The following NAV1 variants were observed in gnomAD, a reference collection of about 807,000 sequenced individuals.
NAV1 encodes the protein neuron navigator 1, also known as pore membrane and/or filament interacting like protein 3.
NAV1 carries 18 observed loss-of-function variants against 175.2 expected under a neutral mutation model. The ratio of observed to expected loss-of-function variants is 0.10; its 90% CI spans 0.07 to 0.15. NAV1 has a LOEUF of 0.15. NAV1 is among the 10% of genes least tolerant of loss of function. The pLI, the probability that NAV1 is intolerant of heterozygous loss-of-function variation, is 1.00. For synonymous variants in NAV1, 897 were observed against 978.7 expected, an observed-to-expected ratio of 0.92 and a Z score of 1.56; for missense variants, 1,731 against 2,436.6, an observed-to-expected ratio of 0.71 and a Z score of 6.10.
chr1:201,735,328 T>C (rs1368726765), intron 3 of NAV1, among the ~76,000 whole-genome samples: 1 of 152,256 alleles, frequency 6.6e-6, no homozygotes, highest in Non-Finnish European at 1.5e-5. Context: ...TCTGTGAAAA[T>C]GAGCGGTTTG....
chr1:201,722,863 T>C (rs969248129), intron 3 of NAV1, among the ~76,000 whole-genome samples: 2 of 152,200 alleles, frequency 1.3e-5, no homozygotes, highest in Non-Finnish European at 2.9e-5. Context: ...CCCAGCACTT[T>C]GGGAGGCTGG....
chr1:201,718,356 A>C lies in NAV1; in HGVS notation c.861-34A>C, dbSNP rs752943726. ...GGACAGGGCACACGGCGGCTGTGCC[A>C]AGGACTAAGTAGTGCCTTCTGCTCT... is the stretch of plus-strand genomic sequence containing the variant. On this transcript the variant is annotated intron_variant, in intron 2 of 29. Transcript: ENST00000367296. This position sits in a 1 kb window ranked among gnomAD's most constrained non-coding sequence, Gnocchi z 4.8. 46 of 1,498,488 alleles carry C rather than the reference A, an allele frequency of 3.1e-5. No individual in the cohort carries two copies. The highest frequency in any genetic ancestry group is 2.7e-4 in the Admixed American group (12 of 44,486). 92.8% of individuals were successfully genotyped at this position (1,498,488 alleles called of 1,614,324 possible).
intron 1 of NAV1, among the ~76,000 whole-genome samples, chr1:201,675,813 A>C (rs1386229571): frequency 6.6e-6 from 1 of 152,172 alleles, no homozygotes; most frequent in Non-Finnish European, 1.5e-5. Flanking sequence ...GCCTATCTGG[A>C]ACCATTTTCT....
Position 201,790,551 on chromosome 1 carries a change from C to A in NAV1, c.3220-3C>A. The stretch of plus-strand genomic sequence containing the variant: ...TTCTCTCCTTCTGTGCTCCCTTCTT[C>A]AGGCTGAGGAGAGGATGCAATCTGA... On this transcript the variant is annotated splice_polypyrimidine_tract_variant and splice_region_variant and intron_variant, in intron 11 of 29. Coordinates refer to ENST00000367296, the Ensembl canonical transcript of NAV1. 6.2e-7 allele frequency: 1 copy of A among 1,614,094 alleles called. No individual in the cohort carries two copies. The highest frequency in any genetic ancestry group is 2.2e-5 in the East Asian group (1 of 44,872).
At chr1:201,552,709 C>T (rs543328827) in intron 1 of NAV1, among the ~76,000 whole-genome samples, 5 of 152,264 alleles carry the variant, frequency 3.3e-5, no homozygotes, top group East Asian at 3.9e-4. Context: ...TTGGATGCCC[C>T]GTGGCTCGCT....
At chr1:201,669,165 A>T (rs1669943408) in intron 1 of NAV1, among the ~76,000 whole-genome samples, 1 of 152,248 alleles carries the variant, frequency 6.6e-6, no homozygotes, top group South Asian at 2.1e-4. Context: ...ATGAACAAAT[A>T]GACCCATTCC....
intron 2 of NAV1, among the ~76,000 whole-genome samples, chr1:201,641,976 CTCTT>C (rs532837107): frequency 7.3e-5 from 11 of 149,730 alleles, no homozygotes; most frequent in African/African-American, 2.2e-4. Flanking sequence ...TTCTCTCTCT[CTCTT>C]TTTCTCTTTC....
intron 1 of NAV1, among the ~76,000 whole-genome samples, chr1:201,552,239 C>CA (rs1665876796): frequency 6.6e-6 from 1 of 152,224 alleles, no homozygotes; most frequent in African/African-American, 2.4e-5. Flanking sequence ...GGAAAGCCCA[C>CA]AATGCCACTC....
chr1:201,655,300 G>A (rs1669357619), intron 1 of NAV1, among the ~76,000 whole-genome samples: 1 of 152,160 alleles, frequency 6.6e-6, no homozygotes, highest in African/African-American at 2.4e-5. Context: ...CCCTCTGCCT[G>A]GAAAGCCTGA....
rs1571488539 is a variant in NAV1, at chr1:201,782,993, C to T, written c.2357+124C>T. On this transcript the variant is annotated intron_variant, in intron 6 of 29. Coordinates refer to ENST00000367296, the Ensembl canonical transcript of NAV1. The surrounding 1 kb of genome is among the most constrained non-coding windows in gnomAD (Gnocchi z 5.4). ...GTTGTCTCTAGGCCTTTGCATGGCT[C>T]TTTCCCACCTCTCCCCCATATGCCA... 2 of 765,438 alleles carry T rather than the reference C, an allele frequency of 2.6e-6. No individual in the cohort carries two copies. The highest frequency in any genetic ancestry group is 4.1e-6 in the Non-Finnish European group (2 of 483,976). The allele number at this position is 765,438 out of a possible 1,614,324, so 47.4% of individuals were successfully genotyped here.
At chr1:201,654,296 C>CTGGG (rs1669315598) in intron 1 of NAV1, among the ~76,000 whole-genome samples, 3 of 152,186 alleles carry the variant, frequency 2.0e-5, no homozygotes, top group Non-Finnish European at 4.4e-5. Flanking sequence ...ACCAAGTCAC[C>CTGGG]TGGAGTCCTG....
intron 2 of NAV1, among the ~76,000 whole-genome samples, chr1:201,640,341 C>T (rs537949204): frequency 6.6e-6 from 1 of 152,324 alleles, no homozygotes; most frequent in Admixed American, 6.5e-5. Context: ...TCTAGGAAGT[C>T]TTCCTGGATG....
chr1:201,782,961 A>C lies in NAV1; in HGVS notation c.2357+92A>C, dbSNP rs917664748. The C allele has an allele frequency of 7.1e-6, 8 of 1,124,492 alleles. No individual in the cohort carries two copies. In the Admixed American group the frequency reaches 8.1e-5, roughly 11 times the overall value. 69.7% of individuals were successfully genotyped at this position (1,124,492 alleles called of 1,614,324 possible). ...CCTTGGACTAGATGAGGCATGGCCTATCCACCGTTGTCTCTAGGCCTTTGC... is the reference window on the plus strand; with the variant it reads ...CCTTGGACTAGATGAGGCATGGCCTCTCCACCGTTGTCTCTAGGCCTTTGC... On this transcript the variant is annotated intron_variant, in intron 6 of 29. Coordinates refer to ENST00000367296, the Ensembl canonical transcript of NAV1. The surrounding 1 kb of genome is among the most constrained non-coding windows in gnomAD (Gnocchi z 5.4).
chr1:201,743,106 G>A (rs1287647525), intron 3 of NAV1, among the ~76,000 whole-genome samples: 1 of 152,130 alleles, frequency 6.6e-6, no homozygotes, highest in Non-Finnish European at 1.5e-5. Flanking sequence ...AAGAAACTGA[G>A]GCACAAGGAG....
chr1:201,612,200 C>T (rs1667867809), intron 2 of NAV1, among the ~76,000 whole-genome samples: 1 of 152,112 alleles, frequency 6.6e-6, no homozygotes, highest in Non-Finnish European at 1.5e-5. Flanking sequence ...CCTATAATGC[C>T]CAGCACTTTG....
intron 2 of NAV1, among the ~76,000 whole-genome samples, chr1:201,638,328 C>A (rs567256523): frequency 3.9e-5 from 6 of 152,316 alleles, no homozygotes; most frequent in South Asian, 4.1e-4. Flanking sequence ...TGCTACAGAC[C>A]ACCAGCTCTG....
intron 3 of NAV1, among the ~76,000 whole-genome samples, chr1:201,747,542 G>A (rs375633625): frequency 6.6e-6 from 1 of 152,154 alleles, no homozygotes. Context: ...CAGTGGCGAA[G>A]ACAGCAGAGG....
chr1:201,788,518 C>G lies in NAV1; in HGVS notation c.3046C>G (p.Pro1016Ala), dbSNP rs754794258. 6.2e-7 allele frequency: 1 copy of G among 1,614,200 alleles called. No homozygotes were observed. The highest frequency in any genetic ancestry group is 8.5e-7 in the Non-Finnish European group (1 of 1,180,026). Residue 1016 changes from proline to alanine, a missense_variant, in exon 10 of 30, where the codon CCC becomes GCC. Transcript: ENST00000367296. This position sits in a 1 kb window ranked among gnomAD's most constrained non-coding sequence, Gnocchi z 5.7. Reference sequence around the variant, plus strand: ...AAGAATCACCCGCTCCAACAGCATCCCCACCCACGAGGCGGCCTTCGAGCT... The same window carrying G: ...AAGAATCACCCGCTCCAACAGCATCGCCACCCACGAGGCGGCCTTCGAGCT...
intron 1 of NAV1, among the ~76,000 whole-genome samples, chr1:201,579,848 C>T (rs1159913387): frequency 1.3e-5 from 2 of 152,126 alleles, no homozygotes; most frequent in Non-Finnish European, 2.9e-5. Flanking sequence ...TGGGAATTGG[C>T]TCATGTGATT....
Sources: allele counts gnomAD v4.1 joint callset (sites outside exome capture counted in the v4.1 genomes callset), GRCh38; gene constraint gnomAD v4.1.1; non-coding constraint Gnocchi (gnomAD v3.1); transcripts MANE v1.5; gene names NCBI Gene and HGNC (gene_info 2026-07-23, HGNC 2026-07-21).